COX10: variants seen among roughly 807,000 people sequenced by gnomAD.
The protein encoded by COX10 is cytochrome c oxidase assembly factor heme A:farnesyltransferase COX10, also known as protoheme IX farnesyltransferase, mitochondrial.
Under a neutral mutation model 37.3 loss-of-function variants are expected in COX10, and 27 were observed. The observed-to-expected ratio is 0.72, with a 90% CI of 0.53 to 1.00. The LOEUF is 1.00. Ranked by LOEUF, COX10 falls within the 50% of genes least tolerant of loss-of-function variation. COX10 has a pLI of 0.00. For missense variants in COX10, 475 were observed against 563.2 expected, an observed-to-expected ratio of 0.84 and a Z score of 1.59; for synonymous variants, 222 against 229.1, an observed-to-expected ratio of 0.97 and a Z score of 0.28.
At chr17:14,165,787 G>A (rs1905267798) in intron 5 of COX10, among the ~76,000 whole-genome samples, 2 of 152,212 alleles carry the variant, frequency 1.3e-5, no homozygotes, top group African/African-American at 2.4e-5. Flanking sequence ...GTTATTGAAG[G>A]AGATTAAAAG....
chr17:14,206,524 C>A (rs1303571958), intron 6 of COX10, among the ~76,000 whole-genome samples: 1 of 152,046 alleles, frequency 6.6e-6, no homozygotes, highest in Non-Finnish European at 1.5e-5. Flanking sequence ...CGCAGGCAGC[C>A]CCCCTGTGAA....
chr17:14,100,069 AC>A (rs761559433), intron 3 of COX10, among the ~76,000 whole-genome samples: 11 of 152,044 alleles, frequency 7.2e-5, no homozygotes, highest in Non-Finnish European at 1.3e-4. Context: ...CATTTTTACA[AC>A]CCTTATTCAC....
At chr17:14,130,287 C>G (rs1242300920) in intron 4 of COX10, among the ~76,000 whole-genome samples, 1 of 152,082 alleles carries the variant, frequency 6.6e-6, no homozygotes, top group Non-Finnish European at 1.5e-5. Flanking sequence ...GGTAATTTCA[C>G]CTCTTTAAGA....
In COX10 at chr17:14,081,936, G is replaced by T. The variant is rs147876466; in HGVS notation, c.499+4880G>T. On this transcript the variant is annotated intron_variant, in intron 3 of 6. Transcript: ENST00000261643. ...AGAAAAGGTTTAAAGAAAACATGAT[G>T]AGTTCAATTTTGGATAAGTGGAATT... Among the ~76,000 whole-genome samples, 1,378 of 152,272 alleles carry T rather than the reference G, an allele frequency of 9.0e-3. 16 individuals carry two copies. Among genetic ancestry groups the T allele is most frequent in the Middle Eastern group, 0.034 (10 of 294 alleles).
intron 3 of COX10, among the ~76,000 whole-genome samples, chr17:14,083,262 C>T (rs1172629845): frequency 2.0e-5 from 3 of 152,216 alleles, no homozygotes; most frequent in Non-Finnish European, 4.4e-5. Context: ...AGAAGCAGCA[C>T]CCTTTGGGTG....
chr17:14,129,147 AT>A (rs376366835), intron 4 of COX10, among the ~76,000 whole-genome samples: 22,713 of 137,496 alleles, frequency 0.17, 2,069 homozygotes, highest in Middle Eastern at 0.24. Context: ...TGCCCGGCCT[AT>A]TTTTTTTTTT....
intron 6 of COX10, among the ~76,000 whole-genome samples, chr17:14,205,310 A>G (rs537589581): frequency 2.6e-5 from 4 of 151,692 alleles, no homozygotes; most frequent in Admixed American, 1.3e-4. Flanking sequence ...CAAAGTCACC[A>G]CTCTCTCCAG....
intron 3 of COX10, among the ~76,000 whole-genome samples, chr17:14,089,492 C>G (rs901367774): frequency 6.6e-6 from 1 of 152,152 alleles, no homozygotes; most frequent in Non-Finnish European, 1.5e-5. Context: ...AAGTGTACAT[C>G]TTCATGAAAA....
chr17:14,108,494 A>C (rs1915945388), intron 4 of COX10, among the ~76,000 whole-genome samples: 1 of 152,176 alleles, frequency 6.6e-6, no homozygotes, highest in South Asian at 2.1e-4. Flanking sequence ...CCAGGTTATA[A>C]TTAGAAAGGT....
Position 14,069,512 on chromosome 17 carries a change from C to T in COX10, c.-94C>T, listed in dbSNP as rs1914958062. ...GGAAGTGGCGGCCCGGAACTACTCC[C>T]ACAGGGGGGCGGGGAAGGAAGATGG... is the stretch of plus-strand genomic sequence containing the variant. On this transcript the variant is annotated 5_prime_UTR_variant, in exon 1 of 7. Coordinates refer to ENST00000261643, the MANE Select transcript of COX10 (RefSeq NM_001303.4). 6.7e-7 allele frequency: 1 copy of T among 1,499,930 alleles called. No homozygotes were observed. Among genetic ancestry groups the T allele is most frequent in the Non-Finnish European group, 9.2e-7 (1 of 1,086,242 alleles). The allele number at this position is 1,499,930 out of a possible 1,614,324, so 92.9% of individuals were successfully genotyped here.
intron 3 of COX10, among the ~76,000 whole-genome samples, chr17:14,087,394 C>T (rs1325177451): frequency 6.6e-6 from 1 of 152,150 alleles, no homozygotes; most frequent in Non-Finnish European, 1.5e-5. Flanking sequence ...ACAGTAGTTA[C>T]ACCCCAAATG....
intron 6 of COX10, among the ~76,000 whole-genome samples, chr17:14,195,348 C>T (rs1906336932): frequency 6.6e-6 from 1 of 152,132 alleles, no homozygotes; most frequent in African/African-American, 2.4e-5. Flanking sequence ...ATTGCTAAGT[C>T]ATCTTCTAGA....
At chr17:14,162,031 G>A (rs79687601) in intron 5 of COX10, among the ~76,000 whole-genome samples, 11,350 of 152,240 alleles carry the variant, frequency 0.075, 502 homozygotes, top group Middle Eastern at 0.12. Flanking sequence ...CAGCACAATG[G>A]AAGAGATCTG....
At chr17:14,171,095 T>G (rs991490671) in intron 5 of COX10, among the ~76,000 whole-genome samples, 7 of 152,032 alleles carry the variant, frequency 4.6e-5, no homozygotes, top group Non-Finnish European at 8.8e-5. Flanking sequence ...GAGTGAAAAC[T>G]GTGTTTCCAT....
chr17:14,074,383 A>G lies in COX10; in HGVS notation c.104A>G (p.Lys35Arg). 3 of 1,614,062 alleles carry G rather than the reference A, an allele frequency of 1.9e-6. No individual in the cohort carries two copies. The highest frequency in any genetic ancestry group is 2.2e-5 in the South Asian group (2 of 91,080). ...ERRTIQDSPH[K>R]FLHLLRNVNK... ...AGAACTATACAGGACTCCCCTCACA[A>G]GTTCTTACATCTTCTCAGGAATGTC... The change falls in exon 2 of 7, where the codon AAG (lysine) becomes AGG (arginine). Residue 35 changes from lysine (K) to arginine (R), a missense_variant. Physicochemically the swap from Lys to Arg is conservative, Grantham distance 26. Around this residue, in one of 5 missense-constraint regions of COX10, gnomAD observed 242 missense variants for 242.5 expected, o/e 1.00. Coordinates refer to ENST00000261643, the MANE Select transcript of COX10 (RefSeq NM_001303.4).
intron 6 of COX10, among the ~76,000 whole-genome samples, chr17:14,192,781 G>A (rs1280957085): frequency 6.6e-6 from 1 of 152,088 alleles, no homozygotes; most frequent in Non-Finnish European, 1.5e-5. Context: ...AATTTGTGGG[G>A]TGAAAATAGC....
At chr17:14,125,464 G>C (rs543253757) in intron 4 of COX10, among the ~76,000 whole-genome samples, 8 of 152,230 alleles carry the variant, frequency 5.3e-5, no homozygotes, top group Admixed American at 4.6e-4. Flanking sequence ...CTTTAATACT[G>C]AAAAGCACAT....
chr17:14,132,496 G>A (rs1916489597), intron 4 of COX10, among the ~76,000 whole-genome samples: 1 of 151,624 alleles, frequency 6.6e-6, no homozygotes, highest in Non-Finnish European at 1.5e-5. Context: ...TTTACCGAAT[G>A]GTGGTGGCTG....
rs965399188 is a variant in COX10, at chr17:14,207,676, C to T, written c.*463C>T. 1 of 156,448 alleles carries T rather than the reference C, an allele frequency of 6.4e-6. No homozygotes were observed. Among genetic ancestry groups the T allele is most frequent in the Non-Finnish European group, 1.4e-5 (1 of 70,906 alleles). The allele number at this position is 156,448 out of a possible 1,614,324, so 9.7% of individuals were successfully genotyped here. On this transcript the variant is annotated 3_prime_UTR_variant, in exon 7 of 7. Transcript: ENST00000261643. ...GTCCCTCAAAGGCCTCGGAGCACCC[C>T]CTTCCTGGTGACTGAGCCAGGGCCT...
Sources: gnomAD v4.1 joint callset for allele counts (sites outside exome capture counted in the v4.1 genomes callset) on GRCh38, gnomAD v4.1.1 for gene constraint, gnomAD v4.1.1 regional missense constraint, MANE v1.5 for transcripts, NCBI Gene and HGNC (gene_info 2026-07-23, HGNC 2026-07-21) for gene names.